The following EYS variants were observed in gnomAD, a reference collection of about 807,000 sequenced individuals.
The protein encoded by EYS is protein eyes shut homolog.
Under a neutral mutation model 282.1 loss-of-function variants are expected in EYS, and 250 were observed. The observed-to-expected ratio is 0.89, with a 90% CI of 0.80 to 0.98. The LOEUF is 0.98. EYS is among the 50% of genes least tolerant of loss of function. The pLI, the probability that EYS is intolerant of heterozygous loss-of-function variation, is 0.00. For missense variants in EYS, 4,016 were observed against 3,709.0 expected, an observed-to-expected ratio of 1.08 and a Z score of -2.15; for synonymous variants, 1,355 against 1,282.9, an observed-to-expected ratio of 1.06 and a Z score of -1.20.
chr6:64,253,801 T>A lies in EYS; in HGVS notation c.6192-22977A>T, dbSNP rs1767301290. On this transcript the variant is annotated intron_variant, in intron 30 of 42. Coordinates refer to ENST00000503581, the MANE Select transcript of EYS (RefSeq NM_001142800.2). ...GCTTTAGCCGTTATGAATCAAGGGCTAGAACTGGGCCATAAATTCATCTTT... is the reference window on the plus strand; with the variant it reads ...GCTTTAGCCGTTATGAATCAAGGGCAAGAACTGGGCCATAAATTCATCTTT... Among the ~76,000 whole-genome samples, 4 of 150,028 alleles carry A rather than the reference T, an allele frequency of 2.7e-5. No individual in the cohort carries two copies. In the Admixed American group the frequency reaches 2.7e-4, roughly 10 times the overall value.
chr6:64,014,244 G>A (rs1008970065), intron 33 of EYS, among the ~76,000 whole-genome samples: 2 of 151,426 alleles, frequency 1.3e-5, no homozygotes, highest in African/African-American at 4.8e-5. Flanking sequence ...ATTGGTAGGT[G>A]GAGATTCACT....
At chr6:65,481,222 T>A (rs2127255101) in intron 5 of EYS, among the ~76,000 whole-genome samples, 1 of 152,250 alleles carries the variant, frequency 6.6e-6, no homozygotes, top group East Asian at 1.9e-4. Flanking sequence ...TCACTCTGTA[T>A]CTTATAAATA....
intron 22 of EYS, among the ~76,000 whole-genome samples, chr6:64,690,997 T>A (rs550295817): frequency 6.6e-6 from 1 of 151,598 alleles, no homozygotes; most frequent in Non-Finnish European, 1.5e-5. Context: ...ATAATAAAAA[T>A]AATAAAAAGT....
At chr6:64,045,239 G>GA (rs1028874690) in intron 33 of EYS, among the ~76,000 whole-genome samples, 8 of 151,480 alleles carry the variant, frequency 5.3e-5, no homozygotes, top group Non-Finnish European at 1.0e-4. Context: ...TTTTAATAAT[G>GA]AAAAACTTTT....
At chr6:65,272,854 G>A (rs1000756834) in intron 12 of EYS, among the ~76,000 whole-genome samples, 3 of 151,982 alleles carry the variant, frequency 2.0e-5, no homozygotes, top group Non-Finnish European at 4.4e-5. Flanking sequence ...TGGCATGAGC[G>A]GCCTTAATCT....
At chr6:65,699,995 G>C (rs1450994371) in intron 1 of EYS, among the ~76,000 whole-genome samples, 2 of 150,974 alleles carry the variant, frequency 1.3e-5, no homozygotes, top group African/African-American at 4.9e-5. Context: ...GGCGCCTGTA[G>C]TCCCAGCTAG....
intron 22 of EYS, among the ~76,000 whole-genome samples, chr6:64,701,313 G>T (rs1018227113): frequency 2.6e-5 from 4 of 151,970 alleles, no homozygotes; most frequent in African/African-American, 9.7e-5. Context: ...CCTAGGCAAA[G>T]AATTCAAAAG....
At chr6:64,438,555 C>A (rs1181959581) in intron 27 of EYS, among the ~76,000 whole-genome samples, 1 of 151,190 alleles carries the variant, frequency 6.6e-6, no homozygotes, top group Non-Finnish European at 1.5e-5. Flanking sequence ...ACTCTACCTG[C>A]CCTTAAGGTT....
At chr6:64,870,830 G>T (rs193066099) in intron 19 of EYS, among the ~76,000 whole-genome samples, 16 of 151,788 alleles carry the variant, frequency 1.1e-4, no homozygotes, top group African/African-American at 3.9e-4. Context: ...TATTTGAGCA[G>T]ACCGAAGGAA....
At chr6:65,026,513 AG>A (rs34250631) in intron 13 of EYS, among the ~76,000 whole-genome samples, 1 of 152,198 alleles carries the variant, frequency 6.6e-6, no homozygotes, top group African/African-American at 2.4e-5. Context: ...CAAATAAGGG[AG>A]GGGATGTTAT....
chr6:64,525,745 T>G (rs1248681693), intron 26 of EYS, among the ~76,000 whole-genome samples: 1 of 151,742 alleles, frequency 6.6e-6, no homozygotes, highest in African/African-American at 2.4e-5. Context: ...GCAGGGAAAT[T>G]AAATCAGTCA....
chr6:64,553,556 C>CCCCG (rs1016341329), intron 26 of EYS, among the ~76,000 whole-genome samples: 2 of 137,504 alleles, frequency 1.5e-5, no homozygotes, highest in Non-Finnish European at 3.2e-5. Context: ...CCCCCCCCCC[C>CCCCG]CCATAGGCAG....
At chr6:64,697,592 C>T (rs948276120) in intron 22 of EYS, among the ~76,000 whole-genome samples, 2 of 152,132 alleles carry the variant, frequency 1.3e-5, no homozygotes, top group East Asian at 1.9e-4. Context: ...TATGCATTGT[C>T]CTCAGTGCAT....
intron 31 of EYS, among the ~76,000 whole-genome samples, chr6:64,155,119 G>T (rs1449268637): frequency 1.3e-5 from 2 of 152,174 alleles, no homozygotes; most frequent in Non-Finnish European, 2.9e-5. Flanking sequence ...GAGAGAGGCG[G>T]TCTGTGAAGG....
chr6:63,883,922 C>T (rs1391063517), intron 35 of EYS, among the ~76,000 whole-genome samples: 1 of 152,190 alleles, frequency 6.6e-6, no homozygotes, highest in Non-Finnish European at 1.5e-5. Flanking sequence ...TTGTTCTCAA[C>T]TGCTTGTCAC....
At chr6:64,815,732 A>G (rs1488473684) in intron 21 of EYS, among the ~76,000 whole-genome samples, 1 of 152,100 alleles carries the variant, frequency 6.6e-6, no homozygotes, top group Non-Finnish European at 1.5e-5. Flanking sequence ...AGAGAAAGAG[A>G]TGGAAGCTGG....
intron 5 of EYS, among the ~76,000 whole-genome samples, chr6:65,429,552 T>C (rs1189552911): frequency 6.6e-6 from 1 of 152,178 alleles, no homozygotes; most frequent in Admixed American, 6.5e-5. Flanking sequence ...TACAGTAGTA[T>C]CAAGCACACT....
rs748234752 is a variant in EYS at position 64,591,567 on chromosome 6, C to T, written c.4300G>A (p.Ala1434Thr). ...GACTGCCTGTTTAGCTCAATATCAG[C>T]CCCTGGAATGCTTCTAATTACTGAA... ...TTSVIRSIPG[A>T]DIELNRQSLL... The change falls in exon 26 of 43, where the codon GCT (alanine) becomes ACT (threonine). Residue 1434 changes from alanine to threonine, a missense_variant. By Grantham distance (58) the Ala-to-Thr change is moderately conservative (BLOSUM62 0). Coordinates refer to ENST00000503581, the MANE Select transcript of EYS (RefSeq NM_001142800.2). 1.1e-5 allele frequency: 17 copies of T among 1,551,048 alleles called. 1 individual carries two copies. The South Asian group carries it at 1.5e-4, about 14-fold the overall frequency.
At chr6:64,052,642 G>GAA in intron 33 of EYS, among the ~76,000 whole-genome samples, 1 of 152,246 alleles carries the variant, frequency 6.6e-6, no homozygotes. Context: ...GTTTGGCTCT[G>GAA]TGTCTCCACC....
Sources: allele counts gnomAD v4.1 joint callset (sites outside exome capture counted in the v4.1 genomes callset), GRCh38; gene constraint gnomAD v4.1.1; transcripts MANE v1.5; gene names NCBI Gene and HGNC (gene_info 2026-07-23, HGNC 2026-07-21).